Variants in EHMT1 observed in about 807,000 individuals in gnomAD.
The protein encoded by EHMT1 is histone-lysine N-methyltransferase EHMT1.
A neutral mutation model predicts 147.2 loss-of-function variants in EHMT1; 15 were observed. The observed-to-expected ratio is 0.10, with a 90% CI of 0.07 to 0.16. The LOEUF is 0.16. EHMT1 is among the 10% of genes least tolerant of loss of function. The pLI is 1.00. For missense variants in EHMT1, 1,587 were observed against 1,772.4 expected, an observed-to-expected ratio of 0.90 and a Z score of 1.88; for synonymous variants, 795 against 709.6, an observed-to-expected ratio of 1.12 and a Z score of -1.91.
chr9:137,738,536 C>G lies in EHMT1; in HGVS notation c.824-4835C>G, dbSNP rs147725785. The G allele has an allele frequency of 8.9e-4, 135 of 152,286 alleles. 1 individual carries two copies. Among genetic ancestry groups the G allele is most frequent in the African/African-American group, 3.1e-3 (127 of 41,548 alleles). The allele number at this position is 152,286 out of a possible 1,614,324, so 9.4% of individuals were successfully genotyped here. A position where few individuals can be genotyped will look rare whatever the true frequency, so the allele number is the denominator to read the frequency against. ...ACCATGTGATCCAGCAGTTCCACTG[C>G]TGGGCACGTGCCCCAGCAGCACTGA... On this transcript the variant is annotated intron_variant, in intron 4 of 26. Transcript: ENST00000460843.
At chr9:137,707,050 C>T (rs539874047) in intron 1 of EHMT1, among the ~76,000 whole-genome samples, 1 of 152,238 alleles carries the variant, frequency 6.6e-6, no homozygotes, top group Non-Finnish European at 1.5e-5. Flanking sequence ...GTCTCCAACT[C>T]CTGACCTCAG....
Position 137,743,988 on chromosome 9 carries a change from C to G in EHMT1, c.1068C>G (p.Leu356=). The part of the protein sequence containing the change: ...MDSDEDDSEE[L]EEDDGHGAEQ... ...CGGATGAGGACGACTCAGAGGAGCT[C>G]GAGGAGGACGACGGCCATGGTGCAG... Residue 356 remains leucine, a synonymous_variant, in exon 6 of 27, where the codon CTC becomes CTG. Coordinates refer to ENST00000460843, the MANE Select transcript of EHMT1 (RefSeq NM_024757.5). 6.2e-7 allele frequency: 1 copy of G among 1,614,004 alleles called. No individual in the cohort carries two copies. Among genetic ancestry groups the G allele is most frequent in the Non-Finnish European group, 8.5e-7 (1 of 1,179,994 alleles).
intron 1 of EHMT1, among the ~76,000 whole-genome samples, chr9:137,708,399 C>T (rs781623074): frequency 6.6e-6 from 1 of 152,222 alleles, no homozygotes; most frequent in Non-Finnish European, 1.5e-5. Context: ...TGCCAATGAC[C>T]TTCTTCCTCT....
chr9:137,749,813 A>C (rs1246055462), intron 6 of EHMT1, among the ~76,000 whole-genome samples: 1 of 152,196 alleles, frequency 6.6e-6, no homozygotes, highest in African/African-American at 2.4e-5. Flanking sequence ...TGGTGGTTTC[A>C]TTGCCTTGTC....
intron 15 of EHMT1, chr9:137,784,550 C>G: frequency 1.9e-6 from 1 of 531,110 alleles, no homozygotes; most frequent in Non-Finnish European, 2.4e-6. Flanking sequence ...TTTGATTTTG[C>G]CATTTCTCTT....
intron 15 of EHMT1, chr9:137,784,103 C>T: frequency 7.6e-7 from 1 of 1,321,306 alleles, no homozygotes; most frequent in Non-Finnish European, 1.1e-6. Context: ...TTATTTCTCA[C>T]AGTTCTGCAG....
chr9:137,701,021 A>G (rs1943777829), intron 1 of EHMT1, among the ~76,000 whole-genome samples: 1 of 152,162 alleles, frequency 6.6e-6, no homozygotes, highest in Non-Finnish European at 1.5e-5. Context: ...ATATTTTCAC[A>G]TGGCTGGCAG....
intron 17 of EHMT1, among the ~76,000 whole-genome samples, chr9:137,800,079 G>A (rs1953330186): frequency 6.6e-6 from 1 of 152,198 alleles, no homozygotes; most frequent in African/African-American, 2.4e-5. Flanking sequence ...TCCACCGCAG[G>A]GGAGATGTAG....
chr9:137,745,682 G>C (rs923788530), intron 6 of EHMT1: 2 of 397,128 alleles, frequency 5.0e-6, no homozygotes, highest in Non-Finnish European at 8.9e-6. Flanking sequence ...CCAGTGCACT[G>C]TCTGTTCAGC....
intron 1 of EHMT1, among the ~76,000 whole-genome samples, chr9:137,624,003 T>TC (rs1412705577): frequency 1.4e-5 from 2 of 147,556 alleles, no homozygotes; most frequent in Non-Finnish European, 3.0e-5. Context: ...TTTCTTTCTT[T>TC]TTTTTTTTTT....
intron 1 of EHMT1, among the ~76,000 whole-genome samples, chr9:137,675,774 G>A (rs1157548633): frequency 2.2e-5 from 3 of 136,032 alleles, no homozygotes; most frequent in Non-Finnish European, 4.6e-5. Flanking sequence ...AACCACGCCC[G>A]GCTAATTTTT....
At chr9:137,668,618 C>A (rs1473253012) in intron 1 of EHMT1, among the ~76,000 whole-genome samples, 2 of 152,162 alleles carry the variant, frequency 1.3e-5, no homozygotes, top group African/African-American at 2.4e-5. Flanking sequence ...CTTCCCGTGT[C>A]CCCCACTCCC....
At chr9:137,668,786 G>T (rs1940023872) in intron 1 of EHMT1, among the ~76,000 whole-genome samples, 1 of 151,978 alleles carries the variant, frequency 6.6e-6, no homozygotes, top group South Asian at 2.1e-4. Flanking sequence ...TCATGTACGA[G>T]TTTTTGTGTG....
At chr9:137,682,559 G>T (rs1211999842) in intron 1 of EHMT1, among the ~76,000 whole-genome samples, 1 of 152,218 alleles carries the variant, frequency 6.6e-6, no homozygotes, top group Non-Finnish European at 1.5e-5. Flanking sequence ...CCGCTGGGAT[G>T]CCTTGAGATA....
At chr9:137,793,741 C>A (rs962924545) in intron 16 of EHMT1, among the ~76,000 whole-genome samples, 2 of 152,170 alleles carry the variant, frequency 1.3e-5, no homozygotes, top group Non-Finnish European at 2.9e-5. Flanking sequence ...CTATGAACAG[C>A]ATGGATGGAC....
rs1448671148 is a variant in EHMT1, at chr9:137,732,087, C to T, written c.823+3558C>T. Among the ~76,000 whole-genome samples the T allele has an allele frequency of 6.6e-6, 1 of 152,224 alleles. No homozygotes were observed. Among genetic ancestry groups the T allele is most frequent in the Non-Finnish European group, 1.5e-5 (1 of 68,036 alleles). On this transcript the variant is annotated intron_variant, in intron 4 of 26. Transcript: ENST00000460843. This position sits in a 1 kb window ranked among gnomAD's most constrained non-coding sequence, Gnocchi z 4.6. ...GGCTGGGGTGTGTTCCCAGCTCGTT[C>T]AGTTCTGCCGCTTTCGCCCTGGCCT...
chr9:137,807,505 ATTTATTTATTTG>A (rs986094639), intron 18 of EHMT1, among the ~76,000 whole-genome samples: 1 of 150,212 alleles, frequency 6.7e-6, no homozygotes, highest in Non-Finnish European at 1.5e-5. Flanking sequence ...TTATTTATTT[ATTTATTTATTTG>A]TTTATTTTAA....
Position 137,762,930 on chromosome 9 carries a change from G to A in EHMT1, c.1647+110G>A, listed in dbSNP as rs527661258. Reference sequence around the variant, plus strand: ...GTGAGTTGTGCTGCGTGACCAGGGCGGGAGCCTGAGTGGATTCTGCGCAGA... The same window carrying A: ...GTGAGTTGTGCTGCGTGACCAGGGCAGGAGCCTGAGTGGATTCTGCGCAGA... On this transcript the variant is annotated intron_variant, in intron 10 of 26. Transcript: ENST00000460843. 32 of 1,457,970 alleles carry A rather than the reference G, an allele frequency of 2.2e-5. 1 individual carries two copies. The Admixed American group carries it at 2.5e-4, about 11-fold the overall frequency. 90.3% of individuals were successfully genotyped at this position (1,457,970 alleles called of 1,614,324 possible). A position where few individuals can be genotyped will look rare whatever the true frequency, so the allele number is the denominator to read the frequency against.
chr9:137,654,341 G>C (rs578162899), intron 1 of EHMT1, among the ~76,000 whole-genome samples: 1 of 151,738 alleles, frequency 6.6e-6, no homozygotes, highest in Admixed American at 6.6e-5. Flanking sequence ...TCCAGCCTGG[G>C]CGACAGAGCG....
Sources: gnomAD v4.1 joint callset for allele counts (sites outside exome capture counted in the v4.1 genomes callset) on GRCh38, gnomAD v4.1.1 for gene constraint, Gnocchi (gnomAD v3.1) non-coding constraint, MANE v1.5 for transcripts, NCBI Gene and HGNC (gene_info 2026-07-23, HGNC 2026-07-21) for gene names.